Variants in SPMIP3 observed in about 807,000 individuals in gnomAD.
The protein encoded by SPMIP3 is sperm microtubule inner protein 3.
chr1:244,378,388 G>A, the SPMIP3 span: 1 of 1,419,724 alleles, frequency 7.0e-7, no homozygotes, highest in East Asian at 2.3e-5. Context: ...CCGTTTCCAG[G>A]GAATGGATTC....
the SPMIP3 span, chr1:244,378,359 C>T: frequency 5.3e-6 from 6 of 1,139,920 alleles, no homozygotes; most frequent in Admixed American, 1.4e-4. Context: ...CTTGTCAATA[C>T]TCTCTGTTAG....
the SPMIP3 span, among the ~76,000 whole-genome samples, chr1:244,365,541 C>T: frequency 2.0e-5 from 3 of 152,198 alleles, no homozygotes; most frequent in Non-Finnish European, 2.9e-5. Context: ...TCCATTAAAC[C>T]TCTTTTTCTT....
chr1:244,387,342 C>G, the SPMIP3 span, among the ~76,000 whole-genome samples: 4 of 152,114 alleles, frequency 2.6e-5, no homozygotes, highest in East Asian at 7.7e-4. Flanking sequence ...GAAACACTAG[C>G]CTTTGGTTCC....
the SPMIP3 span, among the ~76,000 whole-genome samples, chr1:244,370,783 G>C: frequency 6.6e-6 from 1 of 152,194 alleles, no homozygotes; most frequent in Non-Finnish European, 1.5e-5. Context: ...GCGACATGGA[G>C]TTTGGAGAAC....
the SPMIP3 span, among the ~76,000 whole-genome samples, chr1:244,362,640 A>G: frequency 6.6e-6 from 1 of 152,032 alleles, no homozygotes; most frequent in African/African-American, 2.4e-5. Flanking sequence ...TGGGAAAATG[A>G]CCTGCCGCAG....
the SPMIP3 span, chr1:244,388,949 A>G: frequency 1.2e-6 from 2 of 1,609,264 alleles, no homozygotes; most frequent in Non-Finnish European, 1.7e-6. Context: ...TTTAAATTCC[A>G]GATTGGAACC....
At chr1:244,372,646 C>T in the SPMIP3 span, among the ~76,000 whole-genome samples, 119,159 of 152,000 alleles carry the variant, frequency 0.78, 47,311 homozygotes, top group African/African-American at 0.92. Flanking sequence ...GGTTTCACCG[C>T]GTTAGCCAGG....
At chr1:244,361,956 G>A in the SPMIP3 span, among the ~76,000 whole-genome samples, 1 of 152,096 alleles carries the variant, frequency 6.6e-6, no homozygotes, top group Non-Finnish European at 1.5e-5. Flanking sequence ...TTAACCAAGA[G>A]CTCAGCTGTG....
chr1:244,368,871 A>G, the SPMIP3 span, among the ~76,000 whole-genome samples: 9 of 152,226 alleles, frequency 5.9e-5, no homozygotes, highest in Non-Finnish European at 1.3e-4. Context: ...TGTATTCATC[A>G]TCATATTGGC....
the SPMIP3 span, among the ~76,000 whole-genome samples, chr1:244,356,918 CTTTTT>C: frequency 1.9e-4 from 20 of 103,764 alleles, no homozygotes; most frequent in Non-Finnish European, 2.0e-4. Flanking sequence ...TTTTCTTTTC[CTTTTT>C]TTTTTTTTTT....
the SPMIP3 span, among the ~76,000 whole-genome samples, chr1:244,359,177 A>G: frequency 6.6e-6 from 1 of 151,106 alleles, no homozygotes; most frequent in Non-Finnish European, 1.5e-5. Flanking sequence ...TATCCCTCAC[A>G]TAAGGTAGAG....
At chr1:244,367,993 C>T in the SPMIP3 span, among the ~76,000 whole-genome samples, 14 of 152,186 alleles carry the variant, frequency 9.2e-5, no homozygotes, top group South Asian at 2.1e-4. Context: ...CAAAGTCTTG[C>T]GCTGTCACCC....
chr1:244,385,027 G>A, the SPMIP3 span, among the ~76,000 whole-genome samples: 42 of 151,990 alleles, frequency 2.8e-4, no homozygotes, highest in Non-Finnish European at 4.7e-4. Context: ...TCAGCCTCCC[G>A]AGTAGCTGGG....
At chr1:244,367,061 G>A in the SPMIP3 span, among the ~76,000 whole-genome samples, 1 of 152,110 alleles carries the variant, frequency 6.6e-6, no homozygotes, top group African/African-American at 2.4e-5. Flanking sequence ...ATGATGCTGG[G>A]TGATAGGGGC....
the SPMIP3 span, among the ~76,000 whole-genome samples, chr1:244,373,062 T>G: frequency 6.6e-6 from 1 of 152,086 alleles, no homozygotes; most frequent in Non-Finnish European, 1.5e-5. Flanking sequence ...AAGCAGTCTT[T>G]CTGCTTTTAG....
At chr1:244,365,379 A>G in the SPMIP3 span, among the ~76,000 whole-genome samples, 1 of 152,142 alleles carries the variant, frequency 6.6e-6, no homozygotes, top group African/African-American at 2.4e-5. Context: ...TGTTCTCCTG[A>G]CAGTGAATAA....
chr1:244,367,234 G>T, the SPMIP3 span, among the ~76,000 whole-genome samples: 1 of 152,296 alleles, frequency 6.6e-6, no homozygotes. Context: ...GCCTACAATA[G>T]TGAGTCTGGG....
the SPMIP3 span, among the ~76,000 whole-genome samples, chr1:244,372,481 T>C: frequency 0.04 from 6,002 of 150,866 alleles, 400 homozygotes; most frequent in African/African-American, 0.14. Flanking sequence ...TCTCACTCTG[T>C]CCCCCAGGCT....
chr1:244,374,769 TG>T, the SPMIP3 span, among the ~76,000 whole-genome samples: 3 of 151,750 alleles, frequency 2.0e-5, no homozygotes, highest in African/African-American at 7.3e-5. Context: ...GCTTTTTTTT[TG>T]TATTTTTAGT....
Sources: allele counts gnomAD v4.1 joint callset (sites outside exome capture counted in the v4.1 genomes callset), GRCh38; gene constraint gnomAD v4.1.1; transcripts MANE v1.5; gene names NCBI Gene and HGNC (gene_info 2026-07-23, HGNC 2026-07-21).